Variants in CDH13 observed in about 807,000 individuals in gnomAD.
CDH13 encodes cadherin 13, also known as cadherin-13.
In CDH13, 24 loss-of-function variants were observed where a neutral mutation model predicts 63.8. That is an observed-to-expected ratio of 0.38 (90% CI 0.27 to 0.53). The LOEUF is 0.53. Ranked by LOEUF, CDH13 falls within the 20% of genes least tolerant of loss-of-function variation. The probability of loss-of-function intolerance (pLI) is 0.85; values close to 1 mark genes in which losing one functional copy is unlikely to be tolerated. For synonymous variants in CDH13, 503 were observed against 355.3 expected, an observed-to-expected ratio of 1.42 and a Z score of -4.67; for missense variants, 1,049 against 903.1, an observed-to-expected ratio of 1.16 and a Z score of -2.07.
chr16:82,842,112 GTATATATATA>G (rs1239169050), intron 1 of CDH13, among the ~76,000 whole-genome samples: 2 of 58,960 alleles, frequency 3.4e-5, no homozygotes, highest in African/African-American at 1.4e-4. Context: ...ATATATATAT[GTATATATATA>G]TATATATATA....
At chr16:83,689,370 T>C (rs964490403) in intron 10 of CDH13, among the ~76,000 whole-genome samples, 3 of 152,136 alleles carry the variant, frequency 2.0e-5, no homozygotes, top group Non-Finnish European at 2.9e-5. Flanking sequence ...AGCCACACAT[T>C]TCAGGATTGC....
At chr16:83,164,098 G>A (rs770886056) in intron 4 of CDH13, among the ~76,000 whole-genome samples, 9 of 152,076 alleles carry the variant, frequency 5.9e-5, no homozygotes, top group Non-Finnish European at 1.3e-4. Context: ...TGAAAACCCA[G>A]CAGCCTGACT....
At chr16:83,279,332 C>G (rs2089090609) in intron 5 of CDH13, among the ~76,000 whole-genome samples, 1 of 152,148 alleles carries the variant, frequency 6.6e-6, no homozygotes, top group South Asian at 2.1e-4. Flanking sequence ...TGCCTCCATT[C>G]CACTCTTGAG....
intron 2 of CDH13, among the ~76,000 whole-genome samples, chr16:83,000,263 T>TTTTTTA (rs1912748366): frequency 8.5e-6 from 1 of 117,722 alleles, no homozygotes; most frequent in African/African-American, 3.3e-5. Flanking sequence ...TTTTTTTTTT[T>TTTTTTA]TGAGACAGAG....
intron 6 of CDH13, among the ~76,000 whole-genome samples, chr16:83,457,142 G>C (rs12149631): frequency 6.6e-6 from 1 of 152,010 alleles, no homozygotes; most frequent in Non-Finnish European, 1.5e-5. Flanking sequence ...GCTCTGCCAC[G>C]TCCCTGGTAT....
intron 4 of CDH13, among the ~76,000 whole-genome samples, chr16:83,133,735 G>A (rs147256997): frequency 0.011 from 1,739 of 152,312 alleles, 18 homozygotes; most frequent in Non-Finnish European, 0.017. Flanking sequence ...CTGGCCTCAA[G>A]TGATCCACCT....
At chr16:83,653,196 G>A (rs929469805) in intron 8 of CDH13, among the ~76,000 whole-genome samples, 4 of 152,116 alleles carry the variant, frequency 2.6e-5, no homozygotes, top group Admixed American at 6.5e-5. Context: ...GCTTCTGTTC[G>A]AGGTGTTAAA....
At chr16:83,444,253 G>A (rs1459212961) in intron 6 of CDH13, among the ~76,000 whole-genome samples, 1 of 152,174 alleles carries the variant, frequency 6.6e-6, no homozygotes, top group African/African-American at 2.4e-5. Flanking sequence ...GATGATGGTA[G>A]AGGCTTACAT....
chr16:83,677,563 C>A (rs764397948), intron 9 of CDH13, among the ~76,000 whole-genome samples: 2 of 152,166 alleles, frequency 1.3e-5, no homozygotes, highest in Non-Finnish European at 2.9e-5. Flanking sequence ...CTTTCAAATC[C>A]TTTTCCCTAC....
At chr16:83,250,272 T>C (rs1905366751) in intron 5 of CDH13, among the ~76,000 whole-genome samples, 1 of 152,192 alleles carries the variant, frequency 6.6e-6, no homozygotes, top group South Asian at 2.1e-4. Flanking sequence ...CTTTTTACTT[T>C]TTCATTCATT....
At chr16:83,527,861 G>A (rs1369752338) in intron 7 of CDH13, among the ~76,000 whole-genome samples, 1 of 152,184 alleles carries the variant, frequency 6.6e-6, no homozygotes, top group Non-Finnish European at 1.5e-5. Context: ...GTAGAAAGAA[G>A]TCTATATTTT....
At chr16:83,778,903 G>GGCCA in intron 11 of CDH13, among the ~76,000 whole-genome samples, 1 of 152,264 alleles carries the variant, frequency 6.6e-6, no homozygotes, top group Non-Finnish European at 1.5e-5. Flanking sequence ...GTGAAACCAT[G>GGCCA]GCCATCTCTC....
chr16:82,977,858 A>T (rs1346225160), intron 2 of CDH13, among the ~76,000 whole-genome samples: 2 of 152,142 alleles, frequency 1.3e-5, no homozygotes, highest in Admixed American at 6.5e-5. Context: ...CTTCCTAGAG[A>T]CCTGGAAGGC....
rs1330082058 is a variant in CDH13, at chr16:82,644,908, A to T, written c.45+17771A>T. On this transcript the variant is annotated intron_variant, in intron 1 of 13. Transcript: ENST00000567109. The surrounding 1 kb of genome is among the most constrained non-coding windows in gnomAD (Gnocchi z 5.7). ...AGGTTAATATGGGTTCTGGGGAAAA[A>T]AAATTAGGGGAATCAAAAAATTACT... Among the ~76,000 whole-genome samples the T allele has an allele frequency of 2.6e-5, 4 of 152,178 alleles. No homozygotes were observed. Among genetic ancestry groups the T allele is most frequent in the Admixed American group, 6.5e-5 (1 of 15,276 alleles).
At chr16:83,486,095 A>G (rs1461431359) in intron 6 of CDH13, among the ~76,000 whole-genome samples, 1 of 152,092 alleles carries the variant, frequency 6.6e-6, no homozygotes, top group African/African-American at 2.4e-5. Flanking sequence ...GTAAGCCAAG[A>G]TCACGCCGCT....
chr16:82,804,333 AG>A (rs1210411000), intron 1 of CDH13, among the ~76,000 whole-genome samples: 2 of 152,006 alleles, frequency 1.3e-5, no homozygotes, highest in African/African-American at 4.8e-5. Flanking sequence ...ACAAATACAA[AG>A]AAATACAATG....
chr16:82,917,541 A>G (rs1283952637), intron 2 of CDH13, among the ~76,000 whole-genome samples: 1 of 152,202 alleles, frequency 6.6e-6, no homozygotes, highest in Non-Finnish European at 1.5e-5. Context: ...ACGCAAAGAA[A>G]GGGAGAGAAT....
chr16:82,656,091 A>T (rs3865191), intron 1 of CDH13, among the ~76,000 whole-genome samples: 16,817 of 152,258 alleles, frequency 0.11, 1,202 homozygotes, highest in Non-Finnish European at 0.16. Flanking sequence ...GTACAGAGAA[A>T]GAGCATCTGC....
Position 83,032,148 on chromosome 16 carries a change from G to A in CDH13, c.296G>A (p.Arg99Gln), listed in dbSNP as rs369916041. The A allele has an allele frequency of 5.5e-5, 88 of 1,613,496 alleles. No individual in the cohort carries two copies. The highest frequency in any genetic ancestry group is 1.2e-4 in the African/African-American group (9 of 74,906). The change falls in exon 3 of 14, where the codon CGG (arginine) becomes CAG (glutamine). Residue 99 changes from arginine to glutamine, a missense_variant. Transcript: ENST00000567109. ...AVGKTLFVHA[R>Q]TPHAEDMAEL... ...GGCAAAACTCTGTTCGTCCATGCAC[G>A]GACCCCCCATGCGGAAGATATGGCA...
Sources: gnomAD v4.1 joint callset for allele counts (sites outside exome capture counted in the v4.1 genomes callset) on GRCh38, gnomAD v4.1.1 for gene constraint, Gnocchi (gnomAD v3.1) non-coding constraint, MANE v1.5 for transcripts, NCBI Gene and HGNC (gene_info 2026-07-23, HGNC 2026-07-21) for gene names.